The following XPNPEP1 variants were observed in gnomAD, a reference collection of about 807,000 sequenced individuals.
XPNPEP1 encodes X-prolyl aminopeptidase 1, also known as xaa-Pro aminopeptidase 1.
XPNPEP1 carries 39 observed loss-of-function variants against 92.4 expected under a neutral mutation model. The ratio of observed to expected loss-of-function variants is 0.42; its 90% CI spans 0.33 to 0.55. The LOEUF is 0.55. Ranked by LOEUF, XPNPEP1 falls within the 20% of genes least tolerant of loss-of-function variation. The pLI is 0.08. For missense variants in XPNPEP1, 654 were observed against 856.1 expected, an observed-to-expected ratio of 0.76 and a Z score of 2.95; for synonymous variants, 307 against 299.4, an observed-to-expected ratio of 1.03 and a Z score of -0.26.
rs1376077961 is a variant in XPNPEP1, at chr10:109,893,195, G to C, written c.247-120C>G. 5.8e-6 allele frequency: 5 copies of C among 863,714 alleles called. No individual in the cohort carries two copies. In the East Asian group the frequency reaches 1.3e-4, roughly 23 times the overall value. The allele number at this position is 863,714 out of a possible 1,614,324, so 53.5% of individuals were successfully genotyped here. ...GAAGACTGGGGAATCCTTGGCCCCC[G>C]CCCTCAAGAAGCCAACAGTCTAGCT... On this transcript the variant is annotated intron_variant, in intron 3 of 20. Transcript: ENST00000502935.
intron 5 of XPNPEP1, among the ~76,000 whole-genome samples, chr10:109,890,764 AG>A (rs1223095691): frequency 6.6e-6 from 1 of 152,154 alleles, no homozygotes; most frequent in Non-Finnish European, 1.5e-5. Flanking sequence ...CCTAAGACAA[AG>A]AACACATGTG....
intron 15 of XPNPEP1, 42 bp downstream of exon 15, chr10:109,875,486 C>T (rs961198254): frequency 3.8e-6 from 6 of 1,599,282 alleles, no homozygotes; most frequent in Middle Eastern, 3.3e-4. Flanking sequence ...TCCACTGCCT[C>T]GAATCCATAG....
At chr10:109,897,313 C>T (rs748221234) in intron 3 of XPNPEP1, among the ~76,000 whole-genome samples, 1 of 151,862 alleles carries the variant, frequency 6.6e-6, no homozygotes, top group Admixed American at 6.6e-5. Flanking sequence ...GGTTCAAGTG[C>T]TCCCTTTTCC....
At chr10:109,882,872 C>T (rs577398596) in intron 9 of XPNPEP1, among the ~76,000 whole-genome samples, 2 of 152,230 alleles carry the variant, frequency 1.3e-5, no homozygotes, top group South Asian at 4.1e-4. Context: ...CACTGATGAC[C>T]CTCTTCCCGT....
intron 2 of XPNPEP1, among the ~76,000 whole-genome samples, chr10:109,909,017 T>C (rs1849711689): frequency 6.6e-6 from 1 of 151,996 alleles, no homozygotes; most frequent in Non-Finnish European, 1.5e-5. Flanking sequence ...ACACCTGTAA[T>C]CCCAGCACTT....
Position 109,867,293 on chromosome 10 carries a change from TG to T in XPNPEP1, c.1872+1320del, listed in dbSNP as rs1847193048. Among the ~76,000 whole-genome samples the T allele has an allele frequency of 6.6e-6, 1 of 152,210 alleles. No individual in the cohort carries two copies. The highest frequency in any genetic ancestry group is 6.5e-5 in the Admixed American group (1 of 15,280). ...CTTACAGGGGCTGGACAAGAGCCCC[TG>T]GACACTGGAAGGACTCTTCCTGCTG... On this transcript the variant is annotated intron_variant, in intron 20 of 20. Transcript: ENST00000502935. This position sits in a 1 kb window ranked among gnomAD's most constrained non-coding sequence, Gnocchi z 4.5.
chr10:109,901,915 T>G (rs895204335), intron 3 of XPNPEP1, among the ~76,000 whole-genome samples: 1 of 152,246 alleles, frequency 6.6e-6, no homozygotes, highest in East Asian at 1.9e-4. Context: ...AAGTATCTTC[T>G]TAATAATTTT....
intron 3 of XPNPEP1, among the ~76,000 whole-genome samples, chr10:109,902,069 G>A (rs1849314183): frequency 1.3e-5 from 2 of 152,184 alleles, no homozygotes; most frequent in Non-Finnish European, 2.9e-5. Flanking sequence ...CTTAGACAGT[G>A]CTAATGAGGT....
chr10:109,887,985 G>A lies in XPNPEP1; in HGVS notation c.652+64C>T, dbSNP rs957198375. Reference sequence around the variant, plus strand: ...CTTGGATTCGGAGGACGAGGCTGGAGACAATAGCAAGAGGTGGGGGGACAA... The same window carrying A: ...CTTGGATTCGGAGGACGAGGCTGGAAACAATAGCAAGAGGTGGGGGGACAA... On this transcript the variant is annotated intron_variant, in intron 7 of 20. Transcript: ENST00000502935. The A allele has an allele frequency of 1.1e-5, 17 of 1,593,164 alleles. No individual in the cohort carries two copies. In the East Asian group the frequency reaches 3.4e-4, roughly 32 times the overall value.
At chr10:109,891,594 G>A in intron 5 of XPNPEP1, 128 bp downstream of exon 5, 1 of 723,872 alleles carries the variant, frequency 1.4e-6, no homozygotes, top group Non-Finnish European at 2.1e-6. Context: ...TTTTTTCTCA[G>A]TTTTCCTTGG....
Position 109,893,706 on chromosome 10 carries a change from G to T in XPNPEP1, c.247-631C>A, listed in dbSNP as rs148761587. Among the ~76,000 whole-genome samples, 460 of 152,358 alleles carry T rather than the reference G, an allele frequency of 3.0e-3. 2 individuals are homozygous for T. Among genetic ancestry groups the T allele is most frequent in the Middle Eastern group, 6.8e-3 (2 of 294 alleles). On this transcript the variant is annotated intron_variant, in intron 3 of 20. Coordinates refer to ENST00000502935, the MANE Select transcript of XPNPEP1 (RefSeq NM_020383.4). Reference sequence around the variant, plus strand: ...CCTTGCCTCTGTATGGAAGGGGTTAGGGAGTGAAGAAAGTAAGAAATTCTT... The same window carrying T: ...CCTTGCCTCTGTATGGAAGGGGTTATGGAGTGAAGAAAGTAAGAAATTCTT...
At chr10:109,893,334 CAG>C (rs1286820177) in intron 3 of XPNPEP1, 4 of 353,594 alleles carry the variant, frequency 1.1e-5, no homozygotes, top group African/African-American at 8.3e-5. Flanking sequence ...TCAGGAGAAA[CAG>C]ATAAAAACTG....
chr10:109,894,595 G>A lies in XPNPEP1; in HGVS notation c.247-1520C>T, dbSNP rs548695461. Among the ~76,000 whole-genome samples the A allele has an allele frequency of 1.2e-4, 18 of 150,554 alleles. No individual in the cohort carries two copies. The South Asian group carries it at 2.5e-3, about 21-fold the overall frequency. On this transcript the variant is annotated intron_variant, in intron 3 of 20. Transcript: ENST00000502935. ...GGACTGCCTCTTTCACCAAGGCACC[G>A]GCAATCACAGCCTCAAACCAGCCTC... is the stretch of plus-strand genomic sequence containing the variant.
chr10:109,886,421 C>T (rs1848393318), intron 7 of XPNPEP1, 80 bp from the exon 8 acceptor site: 2 of 1,268,172 alleles, frequency 1.6e-6, no homozygotes, highest in Admixed American at 2.0e-5. Flanking sequence ...CTACCCTAAA[C>T]ATCTTTAATC....
At chr10:109,923,038 C>T (rs908753717) in intron 1 of XPNPEP1, among the ~76,000 whole-genome samples, 4 of 152,196 alleles carry the variant, frequency 2.6e-5, no homozygotes, top group African/African-American at 9.6e-5. Flanking sequence ...GGCTCGCCCA[C>T]CTCCCCGGAC....
rs776408575 is a variant in XPNPEP1 at position 109,888,564 on chromosome 10, C to G, written c.447G>C (p.Trp149Cys). Residue 149 changes from tryptophan to cysteine, a missense_variant, in exon 6 of 21, where the codon TGG becomes TGC. Trp to Cys is a radical substitution (Grantham distance 215). Coordinates refer to ENST00000502935, the MANE Select transcript of XPNPEP1 (RefSeq NM_020383.4). ...ATCCTTCAGGAAGCACACTCACCAGCCAGTCTTCCTGAGTTGGTGTGTCCT... is the reference window on the plus strand; with the variant it reads ...ATCCTTCAGGAAGCACACTCACCAGGCAGTCTTCCTGAGTTGGTGTGTCCT... ...GLKDTPTQEDWLVSVLPEGSR... is the reference protein window; with the variant it reads ...GLKDTPTQEDCLVSVLPEGSR... 1 of 1,610,986 alleles carries G rather than the reference C, an allele frequency of 6.2e-7. No individual in the cohort carries two copies. Among genetic ancestry groups the G allele is most frequent in the Admixed American group, 1.7e-5 (1 of 59,828 alleles).
chr10:109,866,232 G>A (rs1264159769), intron 20 of XPNPEP1, among the ~76,000 whole-genome samples: 1 of 152,152 alleles, frequency 6.6e-6, no homozygotes, highest in Non-Finnish European at 1.5e-5. Context: ...ATCCAGCCAG[G>A]TACCAAAGCC....
intron 3 of XPNPEP1, among the ~76,000 whole-genome samples, chr10:109,901,126 C>T (rs527647024): frequency 6.6e-6 from 1 of 151,900 alleles, no homozygotes; most frequent in Admixed American, 6.6e-5. Context: ...AGTTTATGTC[C>T]TTTGTAGGGA....
At chr10:109,894,642 A>G (rs1848887014) in intron 3 of XPNPEP1, among the ~76,000 whole-genome samples, 2 of 151,992 alleles carry the variant, frequency 1.3e-5, no homozygotes, top group Admixed American at 1.3e-4. Flanking sequence ...TAGAAGGGCC[A>G]GCATAGAGAA....
Sources: gnomAD v4.1 joint callset for allele counts (sites outside exome capture counted in the v4.1 genomes callset) on GRCh38, gnomAD v4.1.1 for gene constraint, Gnocchi (gnomAD v3.1) non-coding constraint, MANE v1.5 for transcripts, NCBI Gene and HGNC (gene_info 2026-07-23, HGNC 2026-07-21) for gene names.